Variants in ADCY8 observed in about 807,000 individuals in gnomAD.
ADCY8 encodes adenylate cyclase 8.
A neutral mutation model predicts 119.7 loss-of-function variants in ADCY8; 51 were observed. That is an observed-to-expected ratio of 0.43 (90% CI 0.34 to 0.54). The LOEUF (loss-of-function observed/expected upper bound fraction) is 0.54. Ranked by LOEUF, ADCY8 falls within the 20% of genes least tolerant of loss-of-function variation. The pLI, the probability that ADCY8 is intolerant of heterozygous loss-of-function variation, is 0.03. For missense variants in ADCY8, 1,383 were observed against 1,598.8 expected, an observed-to-expected ratio of 0.87 and a Z score of 2.30; for synonymous variants, 665 against 651.0, an observed-to-expected ratio of 1.02 and a Z score of -0.33.
chr8:130,870,360 C>T (rs571242202), intron 8 of ADCY8, among the ~76,000 whole-genome samples: 1 of 152,110 alleles, frequency 6.6e-6, no homozygotes, highest in Non-Finnish European at 1.5e-5. Context: ...AACATCACCA[C>T]CTGTCATCAT....
chr8:130,981,840 A>G (rs1586627970), intron 2 of ADCY8, among the ~76,000 whole-genome samples: 1 of 152,222 alleles, frequency 6.6e-6, no homozygotes, highest in Non-Finnish European at 1.5e-5. Flanking sequence ...TTCAAGGATC[A>G]GCCATGACCC....
intron 12 of ADCY8, among the ~76,000 whole-genome samples, chr8:130,827,251 G>A (rs955987587): frequency 6.6e-5 from 10 of 151,914 alleles, no homozygotes; most frequent in African/African-American, 2.2e-4. Context: ...TTCTAACAAG[G>A]GCAGCCTGTA....
chr8:131,024,587 A>G (rs1823768457), intron 1 of ADCY8, among the ~76,000 whole-genome samples: 1 of 152,248 alleles, frequency 6.6e-6, no homozygotes, highest in African/African-American at 2.4e-5. Flanking sequence ...TTACAGTAAC[A>G]TGCACATTGT....
chr8:130,918,791 G>C (rs927594146), intron 5 of ADCY8, among the ~76,000 whole-genome samples: 49 of 152,302 alleles, frequency 3.2e-4, no homozygotes, highest in African/African-American at 1.2e-3. Context: ...GCCGGGCACG[G>C]TGGCTCATGC....
intron 1 of ADCY8, among the ~76,000 whole-genome samples, chr8:131,009,097 C>A (rs1386913887): frequency 6.6e-6 from 1 of 152,158 alleles, no homozygotes; most frequent in African/African-American, 2.4e-5. Flanking sequence ...GAAATTCGAG[C>A]CAGCTGGAGA....
At chr8:130,872,285 G>A (rs1481513410) in intron 8 of ADCY8, among the ~76,000 whole-genome samples, 1 of 152,170 alleles carries the variant, frequency 6.6e-6, no homozygotes, top group Non-Finnish European at 1.5e-5. Context: ...AACTCTTGAA[G>A]AAGGTCTTGT....
chr8:130,847,559 G>A (rs1329071481), intron 10 of ADCY8, 46 bp from the exon 11 acceptor site: 6 of 1,501,306 alleles, frequency 4.0e-6, no homozygotes, highest in Non-Finnish European at 5.5e-6. Flanking sequence ...AACAAAAACA[G>A]GAACAACAAA....
chr8:131,023,177 G>A (rs115599624), intron 1 of ADCY8, among the ~76,000 whole-genome samples: 1 of 152,308 alleles, frequency 6.6e-6, no homozygotes, highest in African/African-American at 2.4e-5. Flanking sequence ...TGCAGATTCA[G>A]ATATGGTAGG....
chr8:130,973,427 T>C (rs1821982781), intron 2 of ADCY8, among the ~76,000 whole-genome samples: 1 of 152,206 alleles, frequency 6.6e-6, no homozygotes, highest in Admixed American at 6.5e-5. Flanking sequence ...TATATGAATG[T>C]ACCTGCACTA....
In ADCY8 at chr8:130,870,254, C is replaced by T. The variant is rs112131327; in HGVS notation, c.2110-2308G>A. 8.2e-3 allele frequency among the ~76,000 whole-genome samples: 1,242 copies of T among 151,910 alleles called. 21 individuals are homozygous for T. Among genetic ancestry groups the T allele is most frequent in the African/African-American group, 0.028 (1,160 of 41,408 alleles). The stretch of plus-strand genomic sequence containing the variant: ...GTCTCAAACTCCTGACCTTGTGATC[C>T]GCCCACCTCGGCCTCCTAAAGTGCT... On this transcript the variant is annotated intron_variant, in intron 8 of 17. Transcript: ENST00000286355.
chr8:130,852,479 G>A (rs1817564372), intron 9 of ADCY8, among the ~76,000 whole-genome samples: 1 of 152,160 alleles, frequency 6.6e-6, no homozygotes, highest in African/African-American at 2.4e-5. Flanking sequence ...GAGAATGCAG[G>A]CGGATCGCTT....
At chr8:130,893,700 ATG>A (rs1052541694) in intron 7 of ADCY8, among the ~76,000 whole-genome samples, 12 of 144,716 alleles carry the variant, frequency 8.3e-5, no homozygotes, top group East Asian at 6.1e-4. Flanking sequence ...GCATGTTTAT[ATG>A]TGTGTGTGTG....
chr8:130,876,308 C>G (rs2917055), intron 8 of ADCY8, among the ~76,000 whole-genome samples: 2 of 151,892 alleles, frequency 1.3e-5, no homozygotes, highest in African/African-American at 2.4e-5. Flanking sequence ...GCCTCATTCT[C>G]CCAAAATGCT....
chr8:130,885,886 G>A (rs1194569968), intron 7 of ADCY8, among the ~76,000 whole-genome samples: 1 of 152,098 alleles, frequency 6.6e-6, no homozygotes, highest in Non-Finnish European at 1.5e-5. Flanking sequence ...ATGAAGATAA[G>A]ATTATGGAGT....
chr8:130,873,500 A>G (rs1818442051), intron 8 of ADCY8, among the ~76,000 whole-genome samples: 1 of 152,078 alleles, frequency 6.6e-6, no homozygotes, highest in Non-Finnish European at 1.5e-5. Flanking sequence ...TTGTATTTTT[A>G]GTAGAGACGG....
intron 17 of ADCY8, 75 bp downstream of exon 17, chr8:130,783,616 T>A (rs747462831): frequency 1.9e-6 from 2 of 1,039,678 alleles, no homozygotes; most frequent in Non-Finnish European, 2.9e-6. Context: ...CCTGGATTGA[T>A]GCCCAAGGCA....
chr8:131,023,602 G>A (rs372119460), intron 1 of ADCY8, among the ~76,000 whole-genome samples: 23 of 152,204 alleles, frequency 1.5e-4, no homozygotes, highest in South Asian at 6.2e-4. Flanking sequence ...TCTTTTGTTC[G>A]TCCTATTTGT....
intron 5 of ADCY8, among the ~76,000 whole-genome samples, chr8:130,919,794 C>T (rs953140730): frequency 1.3e-5 from 2 of 152,158 alleles, no homozygotes; most frequent in South Asian, 4.1e-4. Flanking sequence ...AGGGACACCA[C>T]AGCCCAGCCC....
chr8:130,876,565 C>A (rs184589549), intron 8 of ADCY8, among the ~76,000 whole-genome samples: 1 of 152,196 alleles, frequency 6.6e-6, no homozygotes, highest in Non-Finnish European at 1.5e-5. Context: ...CGTGTTCATG[C>A]ATAGTTAGGG....
Sources: allele counts gnomAD v4.1 joint callset (sites outside exome capture counted in the v4.1 genomes callset), GRCh38; gene constraint gnomAD v4.1.1; transcripts MANE v1.5; gene names NCBI Gene and HGNC (gene_info 2026-07-23, HGNC 2026-07-21).